The following KCNG4 variants were observed in gnomAD, a reference collection of about 807,000 sequenced individuals.
KCNG4 encodes voltage-gated potassium channel regulatory subunit KCNG4.
In KCNG4, 30 loss-of-function variants were observed where a neutral mutation model predicts 28.2. That is an observed-to-expected ratio of 1.06 (90% confidence interval 0.80 to 1.44). The LOEUF is 1.44. Ranked by LOEUF, KCNG4 falls within the 40% of genes most tolerant of loss-of-function variation. KCNG4 has a pLI of 0.00. For missense variants in KCNG4, 879 were observed against 712.3 expected, an observed-to-expected ratio of 1.23 and a Z score of -2.66; for synonymous variants, 375 against 315.5, an observed-to-expected ratio of 1.19 and a Z score of -2.00.
intron 2 of KCNG4, among the ~76,000 whole-genome samples, chr16:84,227,291 C>T (rs1904719235): frequency 6.6e-6 from 1 of 152,148 alleles, no homozygotes; most frequent in Non-Finnish European, 1.5e-5. Context: ...AAAACTTGTA[C>T]ACAGGCCGGG....
intron 2 of KCNG4, among the ~76,000 whole-genome samples, chr16:84,230,599 C>G (rs971781819): frequency 1.3e-5 from 2 of 152,108 alleles, no homozygotes; most frequent in African/African-American, 4.8e-5. Context: ...AAAACTCTCT[C>G]TGTGCCTTCC....
chr16:84,220,219 G>A lies in KCNG4; in HGVS notation c.*1998C>T, dbSNP rs1174200382. The A allele has an allele frequency of 6.6e-6, 1 of 152,166 alleles. No individual in the cohort carries two copies. Among genetic ancestry groups the A allele is most frequent in the Non-Finnish European group, 1.5e-5 (1 of 68,030 alleles). 9.4% of individuals were successfully genotyped at this position (152,166 alleles called of 1,614,324 possible). On this transcript the variant is annotated 3_prime_UTR_variant, in exon 3 of 3. Coordinates refer to ENST00000308251, the MANE Select transcript of KCNG4 (RefSeq NM_172347.3). The stretch of plus-strand genomic sequence containing the variant: ...GGAGTGGAGTGGCCATCCAGGCTGG[G>A]GATTTTATAGGGTGAAGGGGCTTTC...
chr16:84,223,935 G>C (rs541539301), intron 2 of KCNG4, among the ~76,000 whole-genome samples: 1 of 152,256 alleles, frequency 6.6e-6, no homozygotes, highest in Non-Finnish European at 1.5e-5. Context: ...TGTGATTGCT[G>C]CCATCGACAT....
chr16:84,234,077 T>TC (rs1430895497), intron 2 of KCNG4, among the ~76,000 whole-genome samples: 2 of 151,704 alleles, frequency 1.3e-5, no homozygotes, highest in Non-Finnish European at 2.9e-5. Context: ...TGGGGAAGAG[T>TC]CCCCCCTGGG....
In KCNG4 at chr16:84,237,519, T is replaced by A; in HGVS notation, c.-34A>T. The stretch of plus-strand genomic sequence containing the variant: ...ACCACCAGGTAGGAAGCGCTGGGTT[T>A]ACCAGTCTGACACCCAAGGGACAAA... On this transcript the variant is annotated 5_prime_UTR_variant, in exon 2 of 3. An upstream open reading frame in the 5' UTR loses its in-frame stop. Coordinates refer to ENST00000308251, the MANE Select transcript of KCNG4 (RefSeq NM_172347.3). The A allele has an allele frequency of 1.4e-6, 2 of 1,456,608 alleles. No individual in the cohort carries two copies. The highest frequency in any genetic ancestry group is 1.8e-6 in the Non-Finnish European group (2 of 1,105,378). 90.2% of individuals were successfully genotyped at this position (1,456,608 alleles called of 1,614,324 possible). A position where few individuals can be genotyped will look rare whatever the true frequency, so the allele number is the denominator to read the frequency against.
chr16:84,237,296 T>C lies in KCNG4; in HGVS notation c.190A>G (p.Asn64Asp). Residue 64 changes from asparagine to aspartate, a missense_variant, in exon 2 of 3, where the codon AAC becomes GAC. Coordinates refer to ENST00000308251, the MANE Select transcript of KCNG4 (RefSeq NM_172347.3). ...PVDLKKEILI[N>D]VGGRRYLLPW... ...AGGAGATACCTCCTGCCCCCCACGT[T>C]GATCAGGATCTCCTTCTTCAGGTCC... is the stretch of plus-strand genomic sequence containing the variant. 6.2e-7 allele frequency: 1 copy of C among 1,601,992 alleles called. No individual in the cohort carries two copies. The highest frequency in any genetic ancestry group is 8.5e-7 in the Non-Finnish European group (1 of 1,172,950).
At position 84,226,308 on chromosome 16, in the gene KCNG4, A is replaced by G. The variant is rs1468465311; in HGVS notation, c.757-3288T>C. 6.6e-6 allele frequency among the ~76,000 whole-genome samples: 1 copy of G among 152,166 alleles called. No individual in the cohort carries two copies. The highest frequency in any genetic ancestry group is 1.5e-5 in the Non-Finnish European group (1 of 68,034). ...GGGAAGCTCGAGAACAGGCAGCCTC[A>G]TCTAGGGTGCACAAAGTGATCAGAA... On this transcript the variant is annotated intron_variant, in intron 2 of 2. Coordinates refer to ENST00000308251, the MANE Select transcript of KCNG4 (RefSeq NM_172347.3). This position sits in a 1 kb window ranked among gnomAD's most constrained non-coding sequence, Gnocchi z 4.1.
rs753307575 is a variant in KCNG4, at chr16:84,236,808, G to A, written c.678C>T (p.Leu226=). ...CTGTGGTGGCCACGAAGAGGATGGA[G>A]AGGCAAGCGAAGACCTTCCCGGGCA... ...SGLPGKVFAC[L]SILFVATTAV... is the part of the protein sequence containing the mutation. The change falls in exon 2 of 3, where the codon CTC becomes CTT. Residue 226 remains leucine (L), a synonymous_variant. Coordinates refer to ENST00000308251, the MANE Select transcript of KCNG4 (RefSeq NM_172347.3). The A allele has an allele frequency of 1.2e-6, 2 of 1,613,670 alleles. No individual in the cohort carries two copies. The highest frequency in any genetic ancestry group is 1.7e-5 in the Admixed American group (1 of 60,014).
rs200770795 is a variant in KCNG4 at position 84,220,060 on chromosome 16, C to CAATAAATA, written c.*2149_*2156dup. 4.0e-5 allele frequency: 6 copies of CAATAAATA among 151,860 alleles called. No homozygotes were observed. The highest frequency in any genetic ancestry group is 1.5e-4 in the African/African-American group (6 of 41,320). The allele number at this position is 151,860 out of a possible 1,614,324, so 9.4% of individuals were successfully genotyped here. A position where few individuals can be genotyped will look rare whatever the true frequency, so the allele number is the denominator to read the frequency against. On this transcript the variant is annotated 3_prime_UTR_variant, in exon 3 of 3. Transcript: ENST00000308251. ...CCTGGCGGACAGAGAGAGACTCTGT[C>CAATAAATA]AATAAATAAATAAATAAATAAGTAA...
chr16:84,229,628 C>G (rs1420192563), intron 2 of KCNG4, among the ~76,000 whole-genome samples: 3 of 152,208 alleles, frequency 2.0e-5, no homozygotes, highest in Non-Finnish European at 4.4e-5. Context: ...GCCCGGCCTG[C>G]AGGGGCCCTT....
chr16:84,237,831 C>T (rs1034889801), intron 1 of KCNG4, among the ~76,000 whole-genome samples: 10 of 152,160 alleles, frequency 6.6e-5, no homozygotes, highest in African/African-American at 2.4e-4. Context: ...CAAGTCGGAG[C>T]GGTGCCACTT....
At position 84,220,981 on chromosome 16, in the gene KCNG4, C is replaced by G. The variant is rs1168284916; in HGVS notation, c.*1236G>C. The G allele has an allele frequency of 1.3e-5, 2 of 152,360 alleles. No homozygotes were observed. The highest frequency in any genetic ancestry group is 3.9e-4 in the East Asian group (2 of 5,184). 9.4% of individuals were successfully genotyped at this position (152,360 alleles called of 1,614,324 possible). A position where few individuals can be genotyped will look rare whatever the true frequency, so the allele number is the denominator to read the frequency against. ...CTTCATCTCCTAAAATACACCTCTA[C>G]TCTCCAGCCCTGCCCATGTCTCTGT... is the stretch of plus-strand genomic sequence containing the variant. On this transcript the variant is annotated 3_prime_UTR_variant, in exon 3 of 3. Coordinates refer to ENST00000308251, the MANE Select transcript of KCNG4 (RefSeq NM_172347.3).
At chr16:84,238,765 G>A (rs1905036401) in intron 1 of KCNG4, among the ~76,000 whole-genome samples, 1 of 152,166 alleles carries the variant, frequency 6.6e-6, no homozygotes, top group African/African-American at 2.4e-5. Flanking sequence ...CTACTCGGGA[G>A]GCTGAGGCAG....
chr16:84,237,990 G>C (rs982855408), intron 1 of KCNG4, among the ~76,000 whole-genome samples: 1 of 152,180 alleles, frequency 6.6e-6, no homozygotes, highest in Non-Finnish European at 1.5e-5. Context: ...GGCAGGGACC[G>C]ATCCCTTACA....
At chr16:84,234,941 C>A (rs1168435692) in intron 2 of KCNG4, among the ~76,000 whole-genome samples, 1 of 152,198 alleles carries the variant, frequency 6.6e-6, no homozygotes. Flanking sequence ...ACTCTCTGGG[C>A]AGCACCTCAG....
chr16:84,231,477 A>C (rs1904827331), intron 2 of KCNG4, among the ~76,000 whole-genome samples: 1 of 152,160 alleles, frequency 6.6e-6, no homozygotes, highest in African/African-American at 2.4e-5. Context: ...CTGAGGCCAC[A>C]TGGAGAGGGT....
rs7201078 is a variant in KCNG4, at chr16:84,220,197, G to A, written c.*2020C>T. 0.38 allele frequency: 58,579 copies of A among 152,228 alleles called. 12,367 individuals carry two copies. Among genetic ancestry groups the A allele is most frequent in the African/African-American group, 0.56 (23,417 of 41,508 alleles). 9.4% of individuals were successfully genotyped at this position (152,228 alleles called of 1,614,324 possible). ...GGGAATCTGCCTGTCACTTTGTGGA[G>A]TGGAGTGGCCATCCAGGCTGGGGAT... On this transcript the variant is annotated 3_prime_UTR_variant, in exon 3 of 3. Transcript: ENST00000308251.
At chr16:84,233,293 A>G (rs1004823822) in intron 2 of KCNG4, among the ~76,000 whole-genome samples, 1 of 152,216 alleles carries the variant, frequency 6.6e-6, no homozygotes, top group Non-Finnish European at 1.5e-5. Context: ...AACCCAGGAC[A>G]TCTGGCCTTC....
chr16:84,223,192 T>TC (rs1425203982), intron 2 of KCNG4, among the ~76,000 whole-genome samples, 172 bp from the exon 3 acceptor site: 6 of 152,104 alleles, frequency 3.9e-5, no homozygotes, highest in Non-Finnish European at 8.8e-5. Context: ...ATCGGCTAGG[T>TC]CAGAGACTGT....
Sources: gnomAD v4.1 joint callset for allele counts (sites outside exome capture counted in the v4.1 genomes callset) on GRCh38, gnomAD v4.1.1 for gene constraint, Gnocchi (gnomAD v3.1) non-coding constraint, MANE v1.5 for transcripts, NCBI Gene and HGNC (gene_info 2026-07-23, HGNC 2026-07-21) for gene names.